The following KCTD1 variants were observed in gnomAD, a reference collection of about 807,000 sequenced individuals.
The protein encoded by KCTD1 is potassium channel tetramerization domain containing 1.
Under a neutral mutation model 66.0 loss-of-function variants are expected in KCTD1, and 24 were observed. That is an observed-to-expected ratio of 0.36 (90% CI 0.26 to 0.51). The LOEUF (loss-of-function observed/expected upper bound fraction) is 0.51. Ranked by LOEUF, KCTD1 falls within the 20% of genes least tolerant of loss-of-function variation. The pLI is 0.95. For missense variants in KCTD1, 943 were observed against 1,205.2 expected, an observed-to-expected ratio of 0.78 and a Z score of 3.22; for synonymous variants, 511 against 517.2, an observed-to-expected ratio of 0.99 and a Z score of 0.16.
At chr18:26,650,417 T>C (rs890137608) in intron 1 of KCTD1, among the ~76,000 whole-genome samples, 3 of 152,238 alleles carry the variant, frequency 2.0e-5, no homozygotes, top group African/African-American at 7.2e-5. Context: ...CAGTCCCTGC[T>C]CTTAACAATA....
chr18:26,605,077 GA>G (rs1440844897), intron 1 of KCTD1, among the ~76,000 whole-genome samples: 2 of 152,080 alleles, frequency 1.3e-5, no homozygotes, highest in Admixed American at 1.3e-4. Flanking sequence ...GGTAGAGAAG[GA>G]AAAAGAAACA....
chr18:26,515,558 A>AGT, intron 1 of KCTD1, among the ~76,000 whole-genome samples: 1 of 137,548 alleles, frequency 7.3e-6, no homozygotes, highest in East Asian at 2.2e-4. Context: ...CCAAGGCTGG[A>AGT]GTGCAATGGC....
At chr18:26,475,722 G>C (rs1022342250) in intron 3 of KCTD1, among the ~76,000 whole-genome samples, 1 of 151,954 alleles carries the variant, frequency 6.6e-6, no homozygotes, top group Non-Finnish European at 1.5e-5. Flanking sequence ...CGTGGTGGTG[G>C]GCAGCTGTAA....
intron 2 of KCTD1, among the ~76,000 whole-genome samples, chr18:26,479,635 C>T (rs1981531561): frequency 6.6e-6 from 1 of 152,210 alleles, no homozygotes; most frequent in East Asian, 1.9e-4. Context: ...GAGAAGAAAA[C>T]GTTCCCCATT....
At chr18:26,524,817 T>C (rs938414707) in intron 1 of KCTD1, among the ~76,000 whole-genome samples, 7 of 152,148 alleles carry the variant, frequency 4.6e-5, no homozygotes, top group Admixed American at 3.9e-4. Context: ...AACATGTACA[T>C]GTGTTAAATT....
intron 1 of KCTD1, among the ~76,000 whole-genome samples, chr18:26,609,742 CTTCAAA>C (rs1473838545): frequency 6.6e-6 from 1 of 152,168 alleles, no homozygotes; most frequent in Non-Finnish European, 1.5e-5. Context: ...AAACTACAGC[CTTCAAA>C]TTCCAGAAAG....
chr18:26,561,920 C>T (rs1022165560), intron 1 of KCTD1, among the ~76,000 whole-genome samples: 10 of 152,276 alleles, frequency 6.6e-5, no homozygotes, highest in Admixed American at 4.6e-4. Flanking sequence ...CCAGACCCAC[C>T]GTCTAGTCTG....
intron 1 of KCTD1, among the ~76,000 whole-genome samples, chr18:26,614,258 C>CA (rs1401684298): frequency 6.6e-6 from 1 of 152,200 alleles, no homozygotes; most frequent in African/African-American, 2.4e-5. Flanking sequence ...CAAATGAACA[C>CA]ATGTTTGCTG....
rs555801912 is a variant in KCTD1, at chr18:26,654,004, T to C, written c.9+3356A>G. Among the ~76,000 whole-genome samples, 15 of 152,352 alleles carry C rather than the reference T, an allele frequency of 9.8e-5. No individual in the cohort carries two copies. The South Asian group carries it at 1.4e-3, about 15-fold the overall frequency. On this transcript the variant is annotated intron_variant, in intron 1 of 4. Transcript: ENST00000580191. ...CTAAATAAAAACGTTGGTGAAGTAA[T>C]GGTTCACAAACATCATTTGAATGAC...
intron 1 of KCTD1, chr18:26,581,086 A>C (rs1986342440): frequency 6.6e-6 from 1 of 152,226 alleles, no homozygotes; most frequent in Non-Finnish European, 1.5e-5. Context: ...TGTTGGAAAA[A>C]GAATACTATA....
intron 1 of KCTD1, among the ~76,000 whole-genome samples, chr18:26,525,680 C>T (rs1242848361): frequency 6.6e-6 from 1 of 152,168 alleles, no homozygotes; most frequent in Non-Finnish European, 1.5e-5. Context: ...TCTGTAGATA[C>T]ATTTACATTT....
intron 1 of KCTD1, among the ~76,000 whole-genome samples, chr18:26,535,582 CCTTT>C (rs1243720724): frequency 3.9e-5 from 6 of 152,242 alleles, no homozygotes; most frequent in South Asian, 4.1e-4. Context: ...ATCATGTTCC[CCTTT>C]CTTTCACTGA....
chr18:26,503,696 G>T (rs1982886091), intron 1 of KCTD1, among the ~76,000 whole-genome samples: 1 of 152,174 alleles, frequency 6.6e-6, no homozygotes, highest in Admixed American at 6.5e-5. Flanking sequence ...CTCTAACACT[G>T]CCAGGTCTGT....
chr18:26,634,717 T>C (rs1244533190), intron 1 of KCTD1, among the ~76,000 whole-genome samples: 1 of 152,226 alleles, frequency 6.6e-6, no homozygotes, highest in Non-Finnish European at 1.5e-5. Context: ...GACTACATCA[T>C]CTTGGTCCTT....
At chr18:26,583,691 A>G (rs1333117806) in intron 1 of KCTD1, among the ~76,000 whole-genome samples, 1 of 152,244 alleles carries the variant, frequency 6.6e-6, no homozygotes, top group African/African-American at 2.4e-5. Flanking sequence ...TAGCACAACA[A>G]AAATACAATG....
At chr18:26,587,576 C>A (rs1321582278) in intron 1 of KCTD1, among the ~76,000 whole-genome samples, 1 of 152,102 alleles carries the variant, frequency 6.6e-6, no homozygotes, top group East Asian at 1.9e-4. Context: ...TGGATCTGGG[C>A]AAAGTAAACT....
intron 1 of KCTD1, among the ~76,000 whole-genome samples, chr18:26,576,853 G>GT (rs1986236491): frequency 6.6e-6 from 1 of 152,104 alleles, no homozygotes; most frequent in African/African-American, 2.4e-5. Context: ...CAATGCACTT[G>GT]TTTTAAAAAA....
chr18:26,626,991 T>C (rs1320131951), intron 1 of KCTD1, among the ~76,000 whole-genome samples: 1 of 152,194 alleles, frequency 6.6e-6, no homozygotes, highest in Non-Finnish European at 1.5e-5. Flanking sequence ...TGTTCCTCTT[T>C]CTTAATTACA....
rs1230481796 is a variant in KCTD1, at chr18:26,567,491, T to G, written c.-16+61656A>C. ...ATGCTGTTGTTCTGTTGTTGTTGTT[T>G]TTTTTTTTTTTTTTGAGACACAGTC... On this transcript the variant is annotated intron_variant, in intron 1 of 4. Coordinates refer to the KCTD1 transcript ENST00000317932. Among the ~76,000 whole-genome samples the G allele has an allele frequency of 2.5e-3, 353 of 139,932 alleles. 1 individual carries two copies. Among genetic ancestry groups the G allele is most frequent in the African/African-American group, 9.3e-3 (323 of 34,614 alleles). 91.8% of individuals were successfully genotyped at this position (139,932 alleles called of 152,430 possible).
Sources: gnomAD v4.1 joint callset for allele counts (sites outside exome capture counted in the v4.1 genomes callset) on GRCh38, gnomAD v4.1.1 for gene constraint, MANE v1.5 for transcripts, NCBI Gene and HGNC (gene_info 2026-07-23, HGNC 2026-07-21) for gene names.